The following DUSP11 variants were observed in gnomAD, a reference collection of about 807,000 sequenced individuals.
The protein encoded by DUSP11 is RNA/RNP complex-1-interacting phosphatase.
Under a neutral mutation model 41.4 loss-of-function variants are expected in DUSP11, and 27 were observed. The ratio of observed to expected loss-of-function variants is 0.65; its 90% CI spans 0.48 to 0.90. DUSP11 has a LOEUF of 0.90. Ranked by LOEUF, DUSP11 falls within the 40% of genes least tolerant of loss-of-function variation. The probability of loss-of-function intolerance (pLI) is 0.00; values close to 1 mark genes in which losing one functional copy is unlikely to be tolerated. For synonymous variants in DUSP11, 188 were observed against 159.3 expected (o/e 1.18, Z -1.35); for missense variants, 465 against 461.1 (o/e 1.01, Z -0.08).
intron 1 of DUSP11, among the ~76,000 whole-genome samples, 162 bp from the exon 2 acceptor site, chr2:73,778,538 C>G (rs1018929690): frequency 2.0e-5 from 3 of 152,100 alleles, no homozygotes; most frequent in African/African-American, 7.2e-5. Context: ...CAAGTAACGA[C>G]CTATACCGTC....
At chr2:73,777,594 C>G (rs962003461) in intron 2 of DUSP11, among the ~76,000 whole-genome samples, 5 of 152,080 alleles carry the variant, frequency 3.3e-5, no homozygotes, top group Admixed American at 6.6e-5. Context: ...CTTGATGATC[C>G]GGGGGATATT....
intron 2 of DUSP11, among the ~76,000 whole-genome samples, chr2:73,777,656 G>A (rs1672711108): frequency 6.6e-6 from 1 of 152,224 alleles, no homozygotes; most frequent in African/African-American, 2.4e-5. Flanking sequence ...CAGTGGGTAA[G>A]GGTTACAAAT....
At position 73,766,622 on chromosome 2, in the gene DUSP11, T is replaced by C. The variant is rs1161886961; in HGVS notation, c.759-28A>G. The stretch of plus-strand genomic sequence containing the variant: ...TAAAGAGAATATTTTCCACACAATA[T>C]TACTGGTTTCCAAATTTAGTAGTCA... On this transcript the variant is annotated intron_variant, in intron 7 of 8. Coordinates refer to ENST00000272444, the Ensembl canonical transcript of DUSP11. 7 of 1,579,260 alleles carry C rather than the reference T, an allele frequency of 4.4e-6. No homozygotes were observed. In the South Asian group the frequency reaches 5.9e-5, roughly 13 times the overall value.
In DUSP11 at chr2:73,766,422, CTGAT is replaced by C; in HGVS notation, c.927_930del (p.Val311GlufsTer34). On this transcript the variant is annotated frameshift_variant, in exon 8 of 9. Transcript: ENST00000272444. LOFTEE classifies it low-confidence loss of function (END_TRUNC). ...AGGGAAAACAGAGAGAGGTACCTGA[CTGAT>C]TGTTGCAAACTTTGGGTCTGGGTGT... 1 of 1,609,168 alleles carries C rather than the reference CTGAT, an allele frequency of 6.2e-7. No individual in the cohort carries two copies. Among genetic ancestry groups the C allele is most frequent in the East Asian group, 2.2e-5 (1 of 44,860 alleles).
intron 8 of DUSP11, among the ~76,000 whole-genome samples, chr2:73,765,317 T>C (rs1672440770): frequency 6.6e-6 from 1 of 152,226 alleles, no homozygotes. Context: ...CTTCATGGCC[T>C]CTGGACTTGA....
chr2:73,768,722 C>T (rs760111553), intron 5 of DUSP11: 301 of 904,910 alleles, frequency 3.3e-4, no homozygotes, highest in Non-Finnish European at 3.8e-4. Context: ...TTTGGGAGGC[C>T]GAGGCGGGTG....
At position 73,768,583 on chromosome 2, in the gene DUSP11, T is replaced by C. The variant is rs1166876068; in HGVS notation, c.635+682A>G. 5 of 985,282 alleles carry C rather than the reference T, an allele frequency of 5.1e-6. No individual in the cohort carries two copies. In the African/African-American group the frequency reaches 7.0e-5, roughly 14 times the overall value. 61.0% of individuals were successfully genotyped at this position (985,282 alleles called of 1,614,324 possible). A position where few individuals can be genotyped will look rare whatever the true frequency, so the allele number is the denominator to read the frequency against. ...AAAATATTTACATAGAAATGTTCAC[T>C]ACTTCAATGTTTTATAATATCAAAA... On this transcript the variant is annotated intron_variant, in intron 5 of 8. Transcript: ENST00000272444.
intron 6 of DUSP11, 129 bp from the exon 7 acceptor site, chr2:73,767,032 T>C: frequency 4.1e-6 from 5 of 1,226,936 alleles, no homozygotes; most frequent in Non-Finnish European, 6.0e-6. Flanking sequence ...TATAGACTTT[T>C]GGCAAGACTA....
intron 3 of DUSP11, 71 bp downstream of exon 3, chr2:73,774,842 T>C (rs1476444169): frequency 1.1e-5 from 15 of 1,310,188 alleles, no homozygotes; most frequent in Non-Finnish European, 1.4e-5. Context: ...CACAAGATGA[T>C]TACTGAATTA....
intron 8 of DUSP11, among the ~76,000 whole-genome samples, chr2:73,765,902 C>T (rs1672450974): frequency 6.6e-6 from 1 of 152,176 alleles, no homozygotes; most frequent in Non-Finnish European, 1.5e-5. Flanking sequence ...TTTCTAAGTC[C>T]CTTTCCGAAT....
rs189717117 is a variant in DUSP11, at chr2:73,775,433, C to A, written c.319-389G>T. On this transcript the variant is annotated intron_variant, in intron 2 of 8. Transcript: ENST00000272444. ...GTCATCCGTCATCCAGGCTGGAGTGCAGTGACACAAACATGGCTCACTGCA... is the reference window on the plus strand; with the variant it reads ...GTCATCCGTCATCCAGGCTGGAGTGAAGTGACACAAACATGGCTCACTGCA... Among the ~76,000 whole-genome samples, 3 of 146,064 alleles carry A rather than the reference C, an allele frequency of 2.1e-5. No homozygotes were observed. The Admixed American group carries it at 2.1e-4, about 10-fold the overall frequency.
chr2:73,770,466 A>G (rs1218410976), intron 4 of DUSP11, among the ~76,000 whole-genome samples: 373 of 151,562 alleles, frequency 2.5e-3, no homozygotes, highest in African/African-American at 8.6e-3. Flanking sequence ...AGTGTGCCAA[A>G]ATGGTGCCAC....
intron 5 of DUSP11, chr2:73,767,761 C>A (rs542812399): frequency 1.3e-5 from 2 of 153,020 alleles, no homozygotes; most frequent in Admixed American, 1.3e-4. Flanking sequence ...ACCAAAATGA[C>A]CACCATGCCC....
chr2:73,764,102 A>C (rs1383752543), intron 8 of DUSP11, among the ~76,000 whole-genome samples: 6 of 152,208 alleles, frequency 3.9e-5, no homozygotes. Flanking sequence ...GTGCTGAATG[A>C]TTAAGTAAAT....
intron 6 of DUSP11, 109 bp downstream of exon 6, chr2:73,767,052 G>T: frequency 7.7e-7 from 1 of 1,293,858 alleles, no homozygotes; most frequent in Non-Finnish European, 1.1e-6. Flanking sequence ...ATCTTATATT[G>T]GAACAAACGA....
chr2:73,769,466 C>T, intron 4 of DUSP11, 141 bp from the exon 5 acceptor site: 1 of 639,006 alleles, frequency 1.6e-6, no homozygotes, highest in Non-Finnish European at 2.6e-6. Context: ...AACAGAAAGC[C>T]AAAACTCACT....
In DUSP11 at chr2:73,767,738, T is replaced by C. The variant is rs527875047; in HGVS notation, c.636-531A>G. Reference sequence around the variant, plus strand: ...TACCTAAATATCTCTATAGAGTATATCTGTATCTTTCTACCAAAATGACCA... The same window carrying C: ...TACCTAAATATCTCTATAGAGTATACCTGTATCTTTCTACCAAAATGACCA... On this transcript the variant is annotated intron_variant, in intron 5 of 8. Coordinates refer to ENST00000272444, the Ensembl canonical transcript of DUSP11. 5.9e-5 allele frequency: 9 copies of C among 153,072 alleles called. No homozygotes were observed. The East Asian group carries it at 1.5e-3, about 26-fold the overall frequency. 9.5% of individuals were successfully genotyped at this position (153,072 alleles called of 1,614,324 possible).
intron 8 of DUSP11, among the ~76,000 whole-genome samples, chr2:73,764,025 G>A (rs890282746): frequency 6.6e-6 from 1 of 152,188 alleles, no homozygotes; most frequent in African/African-American, 2.4e-5. Flanking sequence ...GATTAACACT[G>A]CAAAACATAT....
At chr2:73,774,415 T>C (rs192384852) in intron 3 of DUSP11, among the ~76,000 whole-genome samples, 21 of 152,316 alleles carry the variant, frequency 1.4e-4, no homozygotes, top group Middle Eastern at 3.4e-3. Flanking sequence ...CAAAATCATT[T>C]TAACCATCCA....
Sources: allele counts gnomAD v4.1 joint callset (sites outside exome capture counted in the v4.1 genomes callset), GRCh38; gene constraint gnomAD v4.1.1; transcripts MANE v1.5; gene names NCBI Gene and HGNC (gene_info 2026-07-23, HGNC 2026-07-21).